The following CNTN5 variants were observed in gnomAD, a reference collection of about 807,000 sequenced individuals.
The protein encoded by CNTN5 is contactin 5.
Under a neutral mutation model 129.1 loss-of-function variants are expected in CNTN5, and 77 were observed. The observed-to-expected ratio is 0.60, with a 90% CI of 0.50 to 0.72. The LOEUF is 0.72. Among genes scored for constraint, CNTN5 ranks in the 30% least tolerant of loss-of-function variants. The probability of loss-of-function intolerance (pLI) is 0.00; values close to 1 mark genes in which losing one functional copy is unlikely to be tolerated. For synonymous variants in CNTN5, 509 were observed against 465.6 expected, an observed-to-expected ratio of 1.09 and a Z score of -1.20; for missense variants, 1,478 against 1,328.8, an observed-to-expected ratio of 1.11 and a Z score of -1.75.
chr11:100,211,519 C>A (rs181149564), intron 15 of CNTN5, among the ~76,000 whole-genome samples: 15 of 151,134 alleles, frequency 9.9e-5, no homozygotes, highest in Admixed American at 4.0e-4. Context: ...TTGGGAAAGA[C>A]CATAAATCAT....
At chr11:99,710,051 C>T (rs1158678119) in intron 3 of CNTN5, among the ~76,000 whole-genome samples, 1 of 151,690 alleles carries the variant, frequency 6.6e-6, no homozygotes, top group African/African-American at 2.4e-5. Context: ...TTTTATTGTG[C>T]TATTAGTATT....
chr11:100,354,910 C>T (rs1952489515), intron 24 of CNTN5, among the ~76,000 whole-genome samples: 1 of 151,596 alleles, frequency 6.6e-6, no homozygotes, highest in African/African-American at 2.4e-5. Context: ...TTAACAGGAA[C>T]AGAGCTTGCA....
At chr11:99,684,663 G>T (rs1953707895) in intron 3 of CNTN5, among the ~76,000 whole-genome samples, 1 of 151,794 alleles carries the variant, frequency 6.6e-6, no homozygotes, top group African/African-American at 2.4e-5. Flanking sequence ...TCATGGATAG[G>T]TGCTAAATAT....
At chr11:99,035,241 A>G (rs1181017433) in intron 1 of CNTN5, among the ~76,000 whole-genome samples, 1 of 149,128 alleles carries the variant, frequency 6.7e-6, no homozygotes, top group African/African-American at 2.5e-5. Context: ...AAAAATGTAT[A>G]TTCTGTTGAT....
At chr11:100,161,884 C>CA (rs1177712646) in intron 13 of CNTN5, among the ~76,000 whole-genome samples, 5 of 131,994 alleles carry the variant, frequency 3.8e-5, no homozygotes, top group Non-Finnish European at 6.7e-5. Context: ...AAACAAAAAA[C>CA]AAAAAACAAA....
At chr11:100,065,262 T>G (rs1400773131) in intron 10 of CNTN5, among the ~76,000 whole-genome samples, 1 of 152,166 alleles carries the variant, frequency 6.6e-6, no homozygotes, top group South Asian at 2.1e-4. Context: ...GCAATTTGAT[T>G]GTAAGCTCTT....
At chr11:99,801,902 A>C (rs990316322) in intron 3 of CNTN5, among the ~76,000 whole-genome samples, 3 of 152,078 alleles carry the variant, frequency 2.0e-5, no homozygotes, top group African/African-American at 7.2e-5. Context: ...ATGCTTTGAA[A>C]TTCTTACCTG....
intron 8 of CNTN5, among the ~76,000 whole-genome samples, chr11:99,992,542 C>T (rs1304021903): frequency 2.0e-5 from 3 of 152,126 alleles, no homozygotes; most frequent in African/African-American, 7.2e-5. Flanking sequence ...TTCATAAAAT[C>T]TGCTAAGGAA....
chr11:99,793,140 A>T (rs1414340530), intron 3 of CNTN5, among the ~76,000 whole-genome samples: 1 of 151,428 alleles, frequency 6.6e-6, no homozygotes, highest in African/African-American at 2.4e-5. Flanking sequence ...GCTCACTGCA[A>T]CCTCTTCCTC....
chr11:99,127,988 A>G (rs1212211809), intron 1 of CNTN5, among the ~76,000 whole-genome samples: 9 of 152,218 alleles, frequency 5.9e-5, no homozygotes, highest in Admixed American at 5.9e-4. Context: ...ATTAATGATG[A>G]GCAATATAAT....
At chr11:99,372,239 A>C (rs943466831) in intron 2 of CNTN5, among the ~76,000 whole-genome samples, 11 of 152,190 alleles carry the variant, frequency 7.2e-5, no homozygotes, top group Non-Finnish European at 1.3e-4. Flanking sequence ...TTTCCATTTT[A>C]CTATATTTTA....
At chr11:99,104,787 A>T (rs751846138) in intron 1 of CNTN5, among the ~76,000 whole-genome samples, 1 of 152,160 alleles carries the variant, frequency 6.6e-6, no homozygotes, top group Non-Finnish European at 1.5e-5. Context: ...GGCATTTGCC[A>T]TGGGCACAAA....
At chr11:99,709,682 GCCAT>G (rs1418642116) in intron 3 of CNTN5, among the ~76,000 whole-genome samples, 1 of 151,702 alleles carries the variant, frequency 6.6e-6, no homozygotes, top group Admixed American at 6.6e-5. Flanking sequence ...AGTAAATAAT[GCCAT>G]CTAGTTTATG....
chr11:99,934,941 TATATATAC>T (rs1350026747), intron 7 of CNTN5, among the ~76,000 whole-genome samples: 4,411 of 83,494 alleles, frequency 0.053, 177 homozygotes, highest in African/African-American at 0.11. Flanking sequence ...TATATATATA[TATATATAC>T]ACACACATAT....
At chr11:99,694,037 G>GT in intron 3 of CNTN5, among the ~76,000 whole-genome samples, 1 of 152,060 alleles carries the variant, frequency 6.6e-6, no homozygotes, top group Middle Eastern at 3.2e-3. Flanking sequence ...AAACAGACAC[G>GT]TGAGGCTTAA....
intron 3 of CNTN5, among the ~76,000 whole-genome samples, chr11:99,683,458 A>G (rs1163243644): frequency 6.6e-6 from 1 of 151,912 alleles, no homozygotes; most frequent in Non-Finnish European, 1.5e-5. Context: ...ATGCAAAAAT[A>G]AATTTATAGA....
intron 3 of CNTN5, among the ~76,000 whole-genome samples, chr11:99,585,134 C>A (rs1277736386): frequency 1.3e-5 from 2 of 152,150 alleles, no homozygotes; most frequent in Non-Finnish European, 2.9e-5. Flanking sequence ...GATAAAAGAT[C>A]TAATCTATAA....
chr11:99,785,583 C>T (rs1310428496), intron 3 of CNTN5, among the ~76,000 whole-genome samples: 1 of 152,058 alleles, frequency 6.6e-6, no homozygotes, highest in Non-Finnish European at 1.5e-5. Context: ...AACATCGACG[C>T]AAATATCCTC....
At chr11:100,137,711 G>T (rs1946571144) in intron 13 of CNTN5, among the ~76,000 whole-genome samples, 1 of 151,982 alleles carries the variant, frequency 6.6e-6, no homozygotes, top group Non-Finnish European at 1.5e-5. Flanking sequence ...CAGTTCTGCT[G>T]GTAAATTGCC....
Sources: allele counts gnomAD v4.1 joint callset (sites outside exome capture counted in the v4.1 genomes callset), GRCh38; gene constraint gnomAD v4.1.1; transcripts MANE v1.5; gene names NCBI Gene and HGNC (gene_info 2026-07-23, HGNC 2026-07-21).